Variants in FOXP2 observed in about 807,000 individuals in gnomAD.
FOXP2 encodes the protein forkhead box protein P2.
A neutral mutation model predicts 115.8 loss-of-function variants in FOXP2; 12 were observed. The ratio of observed to expected loss-of-function variants is 0.10; its 90% CI spans 0.07 to 0.17. The LOEUF is 0.17. FOXP2 is among the 10% of genes least tolerant of loss of function. The pLI is 1.00. For missense variants in FOXP2, 629 were observed against 843.5 expected (o/e 0.75, Z 3.15); for synonymous variants, 328 against 297.7 (o/e 1.10, Z -1.05).
At chr7:114,366,248 A>G (rs946300263) in intron 2 of FOXP2, among the ~76,000 whole-genome samples, 2 of 152,136 alleles carry the variant, frequency 1.3e-5, no homozygotes, top group African/African-American at 2.4e-5. Context: ...CTAAACAGTA[A>G]TAAGGCTTGG....
intron 8 of FOXP2, among the ~76,000 whole-genome samples, chr7:114,647,611 G>T (rs1223592078): frequency 1.3e-5 from 2 of 151,798 alleles, no homozygotes; most frequent in Non-Finnish European, 2.9e-5. Context: ...AGTAGGTGTT[G>T]ACAGAAGCTA....
intron 3 of FOXP2, among the ~76,000 whole-genome samples, chr7:114,608,188 T>G (rs1239879663): frequency 6.6e-6 from 1 of 152,186 alleles, no homozygotes; most frequent in Admixed American, 6.5e-5. Flanking sequence ...CAATACATAT[T>G]TATTATTTTG....
At chr7:114,160,958 T>G (rs750158530), upstream of FOXP2, among the ~76,000 whole-genome samples, 6 of 152,192 alleles carry the variant, frequency 3.9e-5, no homozygotes, top group Non-Finnish European at 8.8e-5. Flanking sequence ...AGCATACGTA[T>G]TGTTCTAAAT....
chr7:114,600,619 A>G (rs1007947471), intron 3 of FOXP2, among the ~76,000 whole-genome samples: 1 of 152,198 alleles, frequency 6.6e-6, no homozygotes, highest in Non-Finnish European at 1.5e-5. Context: ...GTATTGTGTT[A>G]CATTCCCACC....
chr7:114,529,026 T>C (rs1474451985), intron 2 of FOXP2, among the ~76,000 whole-genome samples: 2 of 151,914 alleles, frequency 1.3e-5, no homozygotes, highest in Non-Finnish European at 2.9e-5. Flanking sequence ...TTAATATGTA[T>C]TTAAAATTAT....
intron 1 of FOXP2, among the ~76,000 whole-genome samples, chr7:114,270,417 T>A (rs919277488): frequency 6.6e-6 from 1 of 152,190 alleles, no homozygotes; most frequent in Non-Finnish European, 1.5e-5. Flanking sequence ...AAAGTGGCCA[T>A]GCAATTTTGC....
chr7:114,333,792 G>A (rs1797773156), intron 2 of FOXP2, among the ~76,000 whole-genome samples: 1 of 152,054 alleles, frequency 6.6e-6, no homozygotes, highest in South Asian at 2.1e-4. Flanking sequence ...GGAGGCTGAG[G>A]CAGGAGAATT....
chr7:114,154,628 A>G (rs1012379139), intron 1 of FOXP2, among the ~76,000 whole-genome samples: 1 of 152,136 alleles, frequency 6.6e-6, no homozygotes, highest in African/African-American at 2.4e-5. Flanking sequence ...TTGTCTGTGG[A>G]CAACTTATAC....
intron 2 of FOXP2, among the ~76,000 whole-genome samples, chr7:114,462,363 T>A (rs1795607898): frequency 8.2e-6 from 1 of 122,626 alleles, no homozygotes; most frequent in Non-Finnish European, 1.7e-5. Flanking sequence ...TTCAGCATAA[T>A]ATCTTTTTTT....
intron 16 of FOXP2, among the ~76,000 whole-genome samples, chr7:114,671,361 C>T (rs1300129025): frequency 6.6e-6 from 1 of 152,008 alleles, no homozygotes; most frequent in Non-Finnish European, 1.5e-5. Context: ...CCCCACCGTG[C>T]CAATTGTGGA....
At chr7:114,362,186 A>C (rs929790334) in intron 2 of FOXP2, among the ~76,000 whole-genome samples, 21 of 152,102 alleles carry the variant, frequency 1.4e-4, no homozygotes, top group Admixed American at 7.2e-4. Context: ...AATCATGAGA[A>C]AAGTATCAAG....
Position 114,691,976 on chromosome 7 carries a change from A to G in FOXP2, c.*2050A>G, listed in dbSNP as rs1585034854. ...AAAAAAGAAAAACATTAGAACAATTATGGCAGATTGCATGAAACGTGAGAA... is the reference window on the plus strand; with the variant it reads ...AAAAAAGAAAAACATTAGAACAATTGTGGCAGATTGCATGAAACGTGAGAA... On this transcript the variant is annotated 3_prime_UTR_variant, in exon 17 of 17. Coordinates refer to ENST00000350908, the MANE Select transcript of FOXP2 (RefSeq NM_014491.4). The G allele has an allele frequency of 2.3e-6, 1 of 435,834 alleles. No homozygotes were observed. Among genetic ancestry groups the G allele is most frequent in the South Asian group, 1.7e-5 (1 of 59,534 alleles). 27.0% of individuals were successfully genotyped at this position (435,834 alleles called of 1,614,324 possible).
chr7:114,323,866 CA>C (rs1397750480), intron 2 of FOXP2, among the ~76,000 whole-genome samples: 17 of 151,794 alleles, frequency 1.1e-4, no homozygotes, highest in Admixed American at 1.1e-3. Flanking sequence ...ATGTAGAGAC[CA>C]AAGTTTTATC....
rs543700688 is a variant in FOXP2, at chr7:114,407,769, A to G, written c.-10-18733A>G. 3.3e-5 allele frequency among the ~76,000 whole-genome samples: 5 copies of G among 152,270 alleles called. No individual in the cohort carries two copies. The South Asian group carries it at 1.0e-3, about 32-fold the overall frequency. ...TTGTATTTATTTATAGCGTTTTGCA[A>G]AAAGTATGGGTGCATGCTTAGGAAT... is the stretch of plus-strand genomic sequence containing the variant. On this transcript the variant is annotated intron_variant, in intron 2 of 17. Coordinates refer to the FOXP2 transcript ENST00000634411.
At chr7:114,549,552 T>C (rs1316839257) in intron 3 of FOXP2, among the ~76,000 whole-genome samples, 1 of 152,136 alleles carries the variant, frequency 6.6e-6, no homozygotes, top group Non-Finnish European at 1.5e-5. Flanking sequence ...CAAACCAGGA[T>C]TATTCTTGGA....
intron 7 of FOXP2, among the ~76,000 whole-genome samples, chr7:114,642,893 C>T (rs1162610812): frequency 1.4e-5 from 2 of 146,750 alleles, no homozygotes; most frequent in African/African-American, 2.5e-5. Context: ...ACTGCAAGCT[C>T]CGCCTCCCGG....
intron 16 of FOXP2, among the ~76,000 whole-genome samples, chr7:114,673,599 A>T (rs1038070944): frequency 2.6e-5 from 4 of 152,240 alleles, no homozygotes; most frequent in Admixed American, 6.5e-5. Context: ...AGGTAAGAGC[A>T]GGAAATTCTA....
At chr7:114,418,232 T>C (rs367710832) in intron 1 of FOXP2, among the ~76,000 whole-genome samples, 5 of 151,954 alleles carry the variant, frequency 3.3e-5, no homozygotes, top group East Asian at 3.9e-4. Context: ...GAATGAGAAA[T>C]GTTTCTGTGT....
Position 114,688,780 on chromosome 7 carries a change from T to C in FOXP2, c.2004-1002T>C, listed in dbSNP as rs558601449. On this transcript the variant is annotated intron_variant, in intron 16 of 16. Coordinates refer to ENST00000350908, the MANE Select transcript of FOXP2 (RefSeq NM_014491.4). ...CATTTATTGACAGTTGGTAAAGATA[T>C]TCATTAATTTAGAGTTAAAAACATG... Among the ~76,000 whole-genome samples, 13 of 152,302 alleles carry C rather than the reference T, an allele frequency of 8.5e-5. No individual in the cohort carries two copies. The South Asian group carries it at 2.7e-3, about 32-fold the overall frequency.
Sources: allele counts gnomAD v4.1 joint callset (sites outside exome capture counted in the v4.1 genomes callset), GRCh38; gene constraint gnomAD v4.1.1; transcripts MANE v1.5; gene names NCBI Gene and HGNC (gene_info 2026-07-23, HGNC 2026-07-21).